Variants in ARMC9 observed in about 807,000 individuals in gnomAD.
The protein encoded by ARMC9 is armadillo repeat containing 9.
A neutral mutation model predicts 107.0 loss-of-function variants in ARMC9; 94 were observed. The observed-to-expected ratio is 0.88, with a 90% confidence interval of 0.74 to 1.04. ARMC9 has a LOEUF of 1.04. ARMC9 is among the 50% of genes least tolerant of loss of function. The pLI, the probability that ARMC9 is intolerant of heterozygous loss-of-function variation, is 0.00. For missense variants in ARMC9, 942 were observed against 1,030.1 expected, an observed-to-expected ratio of 0.91 and a Z score of 1.17; for synonymous variants, 380 against 396.9, an observed-to-expected ratio of 0.96 and a Z score of 0.51.
intron 5 of ARMC9, 85 bp downstream of exon 5, chr2:231,216,878 G>A (rs2033569937): frequency 1.4e-6 from 2 of 1,453,552 alleles, no homozygotes; most frequent in African/African-American, 1.4e-5. Context: ...TCTGAATGAT[G>A]CTTTAAAAAA....
chr2:231,285,395 TAG>T (rs1194073594), intron 17 of ARMC9, among the ~76,000 whole-genome samples: 1 of 151,540 alleles, frequency 6.6e-6, no homozygotes. Context: ...CCTGTAATCC[TAG>T]CACTTTGGGA....
chr2:231,266,364 T>C (rs2038861083), intron 12 of ARMC9, among the ~76,000 whole-genome samples: 1 of 152,240 alleles, frequency 6.6e-6, no homozygotes, highest in Non-Finnish European at 1.5e-5. Context: ...AAAACTTGAA[T>C]GGAGCCAAAT....
At position 231,216,634 on chromosome 2, in the gene ARMC9, C is replaced by G. The variant is rs760110590; in HGVS notation, c.349-4C>G. ...CCTCAAACAAGTGTTTTCCCTTCTT[C>G]TAGGACAAAGAGGAGCTGGATGAAA... On this transcript the variant is annotated splice_polypyrimidine_tract_variant and splice_region_variant and intron_variant, in intron 4 of 24. Transcript: ENST00000611582. 2.2e-5 allele frequency: 35 copies of G among 1,612,630 alleles called. No homozygotes were observed. Among genetic ancestry groups the G allele is most frequent in the Non-Finnish European group, 2.9e-5 (34 of 1,179,396 alleles).
intron 16 of ARMC9, among the ~76,000 whole-genome samples, chr2:231,279,949 A>G (rs185269774): frequency 4.0e-4 from 61 of 152,282 alleles, no homozygotes; most frequent in African/African-American, 1.4e-3. Context: ...TATATTTTAA[A>G]GCTAGTGAGC....
At chr2:231,219,226 G>A (rs1051106769) in intron 5 of ARMC9, among the ~76,000 whole-genome samples, 13 of 151,812 alleles carry the variant, frequency 8.6e-5, no homozygotes, top group African/African-American at 3.1e-4. Context: ...ATCAGTGTGT[G>A]TAGATTTTCC....
chr2:231,280,902 A>T (rs552615681), intron 16 of ARMC9, among the ~76,000 whole-genome samples: 27 of 152,218 alleles, frequency 1.8e-4, no homozygotes, highest in Non-Finnish European at 2.5e-4. Context: ...GGGAACTGAA[A>T]ATAAAAACAA....
chr2:231,348,876 A>T lies in ARMC9; in HGVS notation c.1994+3786A>T, dbSNP rs2044918830. On this transcript the variant is annotated intron_variant, in intron 21 of 24. Coordinates refer to ENST00000611582, the MANE Select transcript of ARMC9 (RefSeq NM_001352754.2). ...CATCAGAGATGCAAATCAACACTAC[A>T]CTGAGATACCCTCTCACCCCCGTTA... is the stretch of plus-strand genomic sequence containing the variant. Among the ~76,000 whole-genome samples the T allele has an allele frequency of 2.0e-5, 3 of 152,316 alleles. No homozygotes were observed. In the South Asian group the frequency reaches 6.2e-4, roughly 32 times the overall value.
At position 231,273,236 on chromosome 2, in the gene ARMC9, A is replaced by G. The variant is rs1169811814; in HGVS notation, c.1334+158A>G. 2.6e-5 allele frequency among the ~76,000 whole-genome samples: 4 copies of G among 152,364 alleles called. No individual in the cohort carries two copies. The South Asian group carries it at 8.3e-4, about 32-fold the overall frequency. On this transcript the variant is annotated intron_variant, in intron 14 of 24. Transcript: ENST00000611582. ...CTAGAAAGCTTATCTGTAATCCACT[A>G]AACTATCCTGCGCAAGGCTGCTGGG...
chr2:231,235,208 T>G lies in ARMC9; in HGVS notation c.623-16T>G, dbSNP rs1372395361. On this transcript the variant is annotated splice_polypyrimidine_tract_variant and intron_variant, in intron 7 of 24. Transcript: ENST00000611582. ...TGGATTTTTATTGATGTTGTTTGTT[T>G]TAACTGTCTTCCTAGAAATCTTGCA... 1 of 1,605,908 alleles carries G rather than the reference T, an allele frequency of 6.2e-7. No individual in the cohort carries two copies. The highest frequency in any genetic ancestry group is 1.3e-5 in the African/African-American group (1 of 74,718).
chr2:231,291,762 C>A (rs748008868), intron 18 of ARMC9, among the ~76,000 whole-genome samples: 1 of 150,718 alleles, frequency 6.6e-6, no homozygotes, highest in Admixed American at 6.6e-5. Flanking sequence ...TTGCAGTGAG[C>A]CGAGATTGCA....
At position 231,284,873 on chromosome 2, in the gene ARMC9, A is replaced by G. The variant is rs562388049; in HGVS notation, c.1626+2740A>G. On this transcript the variant is annotated intron_variant, in intron 17 of 24. Coordinates refer to ENST00000611582, the MANE Select transcript of ARMC9 (RefSeq NM_001352754.2). ...GGGCTATTCTTTTGAAAAATATTAC[A>G]AATATTTTCTCAATTTTGGTTTGTC... 1.1e-4 allele frequency among the ~76,000 whole-genome samples: 17 copies of G among 152,246 alleles called. No individual in the cohort carries two copies. In the South Asian group the frequency reaches 3.5e-3, roughly 32 times the overall value.
chr2:231,309,419 A>G (rs931079326), intron 19 of ARMC9, among the ~76,000 whole-genome samples: 3 of 152,248 alleles, frequency 2.0e-5, no homozygotes, highest in Admixed American at 1.3e-4. Flanking sequence ...GAATAATAGT[A>G]CATTTTATGT....
chr2:231,234,250 A>G (rs1389287495), intron 7 of ARMC9, among the ~76,000 whole-genome samples: 1 of 152,142 alleles, frequency 6.6e-6, no homozygotes, highest in Non-Finnish European at 1.5e-5. Flanking sequence ...AAGTGCCAAC[A>G]CCGATGAGGA....
chr2:231,352,585 A>G (rs1035662086), intron 21 of ARMC9, among the ~76,000 whole-genome samples: 3 of 151,450 alleles, frequency 2.0e-5, no homozygotes, highest in African/African-American at 7.3e-5. Flanking sequence ...TGGCTTCCCA[A>G]AGTGCTGGGA....
chr2:231,207,846 C>T (rs1232510393), intron 2 of ARMC9, among the ~76,000 whole-genome samples: 9 of 152,220 alleles, frequency 5.9e-5, no homozygotes, highest in Admixed American at 3.3e-4. Flanking sequence ...TTTACAGTCT[C>T]ACCAAGAGTG....
At chr2:231,304,004 G>A (rs963466677) in intron 19 of ARMC9, among the ~76,000 whole-genome samples, 12 of 152,024 alleles carry the variant, frequency 7.9e-5, no homozygotes, top group African/African-American at 2.7e-4. Context: ...GGCCAAGGTG[G>A]ATGGATCACT....
chr2:231,199,520 C>T (rs2030412785), intron 1 of ARMC9, among the ~76,000 whole-genome samples: 1 of 152,188 alleles, frequency 6.6e-6, no homozygotes, highest in African/African-American at 2.4e-5. Context: ...GTGTGTCAGA[C>T]TTCCTGGGCC....
chr2:231,240,142 C>T, intron 9 of ARMC9, 101 bp downstream of exon 9: 2 of 1,020,862 alleles, frequency 2.0e-6, no homozygotes, highest in Non-Finnish European at 2.9e-6. Flanking sequence ...ATGCAAGAGG[C>T]TGCATTTAAG....
chr2:231,201,230 C>T (rs2030897094), intron 1 of ARMC9, among the ~76,000 whole-genome samples: 1 of 152,186 alleles, frequency 6.6e-6, no homozygotes, highest in South Asian at 2.1e-4. Flanking sequence ...CCCTGCTCCT[C>T]ATTACTGCTT....
Sources: allele counts gnomAD v4.1 joint callset (sites outside exome capture counted in the v4.1 genomes callset), GRCh38; gene constraint gnomAD v4.1.1; transcripts MANE v1.5; gene names NCBI Gene and HGNC (gene_info 2026-07-23, HGNC 2026-07-21).